Variants in CPNE4 observed in about 807,000 individuals in gnomAD.
CPNE4 encodes the protein copine-4.
Under a neutral mutation model 67.9 loss-of-function variants are expected in CPNE4, and 25 were observed. The observed-to-expected ratio is 0.37, with a 90% CI of 0.27 to 0.51. The LOEUF (loss-of-function observed/expected upper bound fraction) is 0.51. CPNE4 is among the 20% of genes least tolerant of loss of function. The probability of loss-of-function intolerance (pLI) is 0.93; values close to 1 mark genes in which losing one functional copy is unlikely to be tolerated. For missense variants in CPNE4, 464 were observed against 690.8 expected, an observed-to-expected ratio of 0.67 and a Z score of 3.68; for synonymous variants, 242 against 244.9, an observed-to-expected ratio of 0.99 and a Z score of 0.11.
intron 2 of CPNE4, among the ~76,000 whole-genome samples, chr3:131,865,058 C>G (rs1206002672): frequency 6.6e-6 from 1 of 152,098 alleles, no homozygotes; most frequent in African/African-American, 2.4e-5. Context: ...ATGAAGCCCA[C>G]TTGATCATGG....
intron 1 of CPNE4, among the ~76,000 whole-genome samples, chr3:131,999,241 T>TACAAAAAAAAAAAAAAAA (rs2073367651): frequency 1.0e-5 from 1 of 98,834 alleles, no homozygotes; most frequent in African/African-American, 5.4e-5. Context: ...TTATCCAAGG[T>TACAAAAAAAAAAAAAAAA]AAAAAAAAAA....
chr3:131,748,653 T>C (rs1001430562), intron 2 of CPNE4, among the ~76,000 whole-genome samples: 1 of 152,122 alleles, frequency 6.6e-6, no homozygotes, highest in Non-Finnish European at 1.5e-5. Context: ...GGGTTAATTT[T>C]TGCAGTTTGT....
At chr3:131,964,495 C>T (rs1227897406) in intron 1 of CPNE4, among the ~76,000 whole-genome samples, 1 of 151,864 alleles carries the variant, frequency 6.6e-6, no homozygotes, top group Non-Finnish European at 1.5e-5. Flanking sequence ...ACAGGAACTG[C>T]TAACTAGAAT....
intron 1 of CPNE4, among the ~76,000 whole-genome samples, chr3:132,001,593 A>C (rs1222670113): frequency 6.6e-6 from 1 of 151,190 alleles, no homozygotes; most frequent in African/African-American, 2.4e-5. Flanking sequence ...GAAAGAAAGA[A>C]AGAAAGAAAG....
intron 1 of CPNE4, among the ~76,000 whole-genome samples, chr3:131,979,427 A>G (rs1258890005): frequency 3.9e-5 from 6 of 152,176 alleles, no homozygotes; most frequent in African/African-American, 1.2e-4. Context: ...GGCTTTTACC[A>G]TTATGTAATG....
intron 7 of CPNE4, among the ~76,000 whole-genome samples, chr3:131,596,412 G>T (rs923725775): frequency 8.5e-6 from 1 of 117,194 alleles, no homozygotes; most frequent in African/African-American, 4.0e-5. Flanking sequence ...CACGAGGTCA[G>T]GAGATCGAGA....
At chr3:131,896,379 T>C (rs2088332639) in intron 2 of CPNE4, among the ~76,000 whole-genome samples, 1 of 152,086 alleles carries the variant, frequency 6.6e-6, no homozygotes, top group African/African-American at 2.4e-5. Context: ...TTAACAGATA[T>C]TCTTTAAACC....
At chr3:131,554,851 C>T (rs1936377193) in intron 12 of CPNE4, among the ~76,000 whole-genome samples, 1 of 152,034 alleles carries the variant, frequency 6.6e-6, no homozygotes, top group Admixed American at 6.6e-5. Context: ...GGCACGAGTT[C>T]TCTGTGGAGA....
intron 2 of CPNE4, among the ~76,000 whole-genome samples, chr3:131,886,553 A>T (rs1309987317): frequency 6.6e-6 from 1 of 150,858 alleles, no homozygotes; most frequent in Non-Finnish European, 1.5e-5. Flanking sequence ...AGAATGGTAG[A>T]TCTACTGACA....
At chr3:132,009,265 TTGGTCTATG>T (rs1243892172) in intron 1 of CPNE4, among the ~76,000 whole-genome samples, 2 of 152,180 alleles carry the variant, frequency 1.3e-5, no homozygotes, top group African/African-American at 4.8e-5. Context: ...CCACAAAGCC[TTGGTCTATG>T]TGGAGTCAAG....
At chr3:131,607,323 T>C (rs1245717917) in intron 7 of CPNE4, among the ~76,000 whole-genome samples, 1 of 151,948 alleles carries the variant, frequency 6.6e-6, no homozygotes, top group Non-Finnish European at 1.5e-5. Flanking sequence ...CCCAAGTAAT[T>C]GAACTTTTCT....
chr3:131,899,967 C>A (rs2088487460), intron 2 of CPNE4, among the ~76,000 whole-genome samples: 1 of 152,066 alleles, frequency 6.6e-6, no homozygotes, highest in Non-Finnish European at 1.5e-5. Flanking sequence ...TCTGGGCAAG[C>A]TCAACAACAT....
intron 11 of CPNE4, 128 bp downstream of exon 11, chr3:131,564,088 T>A: frequency 1.8e-6 from 2 of 1,101,036 alleles, no homozygotes; most frequent in Non-Finnish European, 2.8e-6. Flanking sequence ...ACAGAGGGAA[T>A]GAAACTTTTG....
chr3:131,725,848 C>G (rs1394822543), intron 2 of CPNE4, among the ~76,000 whole-genome samples: 1 of 152,234 alleles, frequency 6.6e-6, no homozygotes, highest in Non-Finnish European at 1.5e-5. Context: ...CAATTGGAGA[C>G]TGTCCCATTT....
chr3:131,538,289 A>C (rs1935282471), intron 15 of CPNE4, among the ~76,000 whole-genome samples: 1 of 152,212 alleles, frequency 6.6e-6, no homozygotes, highest in African/African-American at 2.4e-5. Flanking sequence ...CTGAGTTTGA[A>C]ATTTTATTTT....
chr3:131,980,406 C>A (rs777957149), intron 1 of CPNE4, among the ~76,000 whole-genome samples: 1 of 151,896 alleles, frequency 6.6e-6, no homozygotes, highest in Non-Finnish European at 1.5e-5. Flanking sequence ...ATTCTTTTTT[C>A]TTTGTCTTTG....
intron 9 of CPNE4, among the ~76,000 whole-genome samples, chr3:131,578,196 C>T (rs1937599399): frequency 6.6e-6 from 1 of 152,096 alleles, no homozygotes; most frequent in Non-Finnish European, 1.5e-5. Flanking sequence ...TTGTGTCTGT[C>T]ACATTTTGGT....
chr3:131,763,135 A>C (rs1560262705), intron 2 of CPNE4, among the ~76,000 whole-genome samples: 1 of 152,122 alleles, frequency 6.6e-6, no homozygotes, highest in Non-Finnish European at 1.5e-5. Context: ...GGTGTCTTTA[A>C]TTATGATAAA....
At chr3:131,955,939 C>G (rs756289592) in intron 1 of CPNE4, among the ~76,000 whole-genome samples, 18 of 152,136 alleles carry the variant, frequency 1.2e-4, no homozygotes, top group Non-Finnish European at 2.4e-4. Context: ...CTAGGATACT[C>G]AGGCTAAAAT....
Sources: gnomAD v4.1 joint callset for allele counts (sites outside exome capture counted in the v4.1 genomes callset) on GRCh38, gnomAD v4.1.1 for gene constraint, MANE v1.5 for transcripts, NCBI Gene and HGNC (gene_info 2026-07-23, HGNC 2026-07-21) for gene names.